The following ANO3 variants were observed in gnomAD, a reference collection of about 807,000 sequenced individuals.
ANO3 encodes the protein anoctamin 3.
In ANO3, 99 loss-of-function variants were observed where a neutral mutation model predicts 144.8. That is an observed-to-expected ratio of 0.68 (90% CI 0.58 to 0.81). The LOEUF (loss-of-function observed/expected upper bound fraction) is 0.81. ANO3 is among the 30% of genes least tolerant of loss of function. The probability of loss-of-function intolerance (pLI) is 0.00; values close to 1 mark genes in which losing one functional copy is unlikely to be tolerated. For missense variants in ANO3, 905 were observed against 1,202.2 expected, an observed-to-expected ratio of 0.75 and a Z score of 3.66; for synonymous variants, 414 against 392.6, an observed-to-expected ratio of 1.05 and a Z score of -0.64.
intron 1 of ANO3, among the ~76,000 whole-genome samples, chr11:26,287,068 A>G (rs554498077): frequency 6.6e-6 from 1 of 152,292 alleles, no homozygotes; most frequent in Non-Finnish European, 1.5e-5. Context: ...CAGTACAATT[A>G]GGTTCATGGA....
intron 17 of ANO3, among the ~76,000 whole-genome samples, chr11:26,605,817 T>C (rs1315864524): frequency 6.6e-6 from 1 of 152,180 alleles, no homozygotes; most frequent in African/African-American, 2.4e-5. Flanking sequence ...GTCTATTTGA[T>C]TCTTCTCTCT....
At chr11:26,627,816 T>A (rs1852636792) in intron 18 of ANO3, among the ~76,000 whole-genome samples, 1 of 54,212 alleles carries the variant, frequency 1.8e-5, no homozygotes, top group Non-Finnish European at 5.4e-5. Context: ...TAGAATCTAG[T>A]GTGTGTGTGT....
Position 26,446,980 on chromosome 11 carries a change from C to T in ANO3, c.313+3144C>T, listed in dbSNP as rs141871067. Among the ~76,000 whole-genome samples, 16 of 152,160 alleles carry T rather than the reference C, an allele frequency of 1.1e-4. No homozygotes were observed. In the East Asian group the frequency reaches 3.1e-3, roughly 29 times the overall value. On this transcript the variant is annotated intron_variant, in intron 3 of 26. Transcript: ENST00000256737. ...ATACCAGCGCTTTGGGAGGCTGAGGCAGGAGGACTGCTTAAGCCCAGGAGT... is the reference window on the plus strand; with the variant it reads ...ATACCAGCGCTTTGGGAGGCTGAGGTAGGAGGACTGCTTAAGCCCAGGAGT...
At chr11:26,383,687 G>A (rs1856645610) in intron 1 of ANO3, among the ~76,000 whole-genome samples, 1 of 152,050 alleles carries the variant, frequency 6.6e-6, no homozygotes, top group Admixed American at 6.6e-5. Context: ...GGCCTGAACT[G>A]CGAGGGGTAA....
chr11:26,560,846 G>T, intron 14 of ANO3: 1 of 423,212 alleles, frequency 2.4e-6, no homozygotes, highest in South Asian at 4.6e-5. Flanking sequence ...ACAAATTAAG[G>T]CTACTTAGTA....
At chr11:26,549,772 G>A (rs1849883080) in intron 12 of ANO3, among the ~76,000 whole-genome samples, 1 of 151,880 alleles carries the variant, frequency 6.6e-6, no homozygotes, top group Admixed American at 6.6e-5. Context: ...CGTGTGGCCT[G>A]GTTTTAAGGC....
chr11:26,330,746 C>A (rs941727454), upstream of ANO3, among the ~76,000 whole-genome samples: 2 of 152,152 alleles, frequency 1.3e-5, no homozygotes, highest in Non-Finnish European at 2.9e-5. Context: ...ATTGGAGCAT[C>A]TGTTTGTTCA....
intron 3 of ANO3, among the ~76,000 whole-genome samples, chr11:26,448,447 C>A (rs1374326968): frequency 6.6e-6 from 1 of 152,120 alleles, no homozygotes; most frequent in Admixed American, 6.5e-5. Context: ...GGAATGGGTT[C>A]ATATTAGAGT....
At chr11:26,351,083 C>T (rs1855633581) in intron 1 of ANO3, among the ~76,000 whole-genome samples, 1 of 152,106 alleles carries the variant, frequency 6.6e-6, no homozygotes, top group Non-Finnish European at 1.5e-5. Context: ...CTTTGTTCAA[C>T]CATCACAATT....
At chr11:26,347,323 A>C (rs1855522189) in intron 1 of ANO3, among the ~76,000 whole-genome samples, 1 of 152,230 alleles carries the variant, frequency 6.6e-6, no homozygotes, top group African/African-American at 2.4e-5. Context: ...ACAATGTTGA[A>C]GTTAACGTTT....
At position 26,254,676 on chromosome 11, in the gene ANO3, C is replaced by G. The variant is rs183844930; in HGVS notation, c.155-54969C>G. Among the ~76,000 whole-genome samples, 3 of 152,220 alleles carry G rather than the reference C, an allele frequency of 2.0e-5. No homozygotes were observed. The East Asian group carries it at 5.8e-4, about 29-fold the overall frequency. ...CAACTTGAGACATGATATGTTTTAGCACAGAATAACTCTTAATAAAGAACA... is the reference window on the plus strand; with the variant it reads ...CAACTTGAGACATGATATGTTTTAGGACAGAATAACTCTTAATAAAGAACA... On this transcript the variant is annotated intron_variant, in intron 1 of 27. Transcript: ENST00000672621.
intron 1 of ANO3, among the ~76,000 whole-genome samples, chr11:26,384,903 A>T (rs1458667726): frequency 6.6e-6 from 1 of 152,166 alleles, no homozygotes; most frequent in Non-Finnish European, 1.5e-5. Context: ...GTGAACATTT[A>T]CCTTGGCAAT....
chr11:26,488,571 T>C (rs1239209918), intron 4 of ANO3, among the ~76,000 whole-genome samples: 3 of 152,220 alleles, frequency 2.0e-5, no homozygotes, highest in Admixed American at 6.5e-5. Context: ...GTTCTTGGTC[T>C]TGCTGACTTC....
intron 4 of ANO3, among the ~76,000 whole-genome samples, chr11:26,489,064 C>G (rs1169621053): frequency 1.3e-5 from 2 of 152,194 alleles, no homozygotes; most frequent in Non-Finnish European, 2.9e-5. Flanking sequence ...GCCCACCCGA[C>G]CCAGAAGCCC....
At chr11:26,324,704 G>A (rs1467942961) in intron 1 of ANO3, among the ~76,000 whole-genome samples, 3 of 152,138 alleles carry the variant, frequency 2.0e-5, no homozygotes, top group Non-Finnish European at 4.4e-5. Context: ...CCAAAATTTT[G>A]CAGTGCCAGC....
At chr11:26,458,246 A>C (rs1478860008) in intron 3 of ANO3, among the ~76,000 whole-genome samples, 1 of 152,168 alleles carries the variant, frequency 6.6e-6, no homozygotes, top group Admixed American at 6.5e-5. Context: ...TTTGTGTTTC[A>C]GAAGATCTCA....
chr11:26,342,947 C>G (rs1276536844), intron 1 of ANO3, among the ~76,000 whole-genome samples: 1 of 152,080 alleles, frequency 6.6e-6, no homozygotes, highest in Non-Finnish European at 1.5e-5. Flanking sequence ...TTACCACAAT[C>G]AAGCAATTAA....
chr11:26,243,322 A>C (rs1343476679), intron 1 of ANO3, among the ~76,000 whole-genome samples: 1 of 151,956 alleles, frequency 6.6e-6, no homozygotes, highest in East Asian at 1.9e-4. Flanking sequence ...CTTTCTCTTA[A>C]AAGAATAAAG....
chr11:26,646,234 A>G (rs538430147), intron 23 of ANO3, among the ~76,000 whole-genome samples: 1 of 152,306 alleles, frequency 6.6e-6, no homozygotes, highest in South Asian at 2.1e-4. Context: ...AATTTATTTT[A>G]ATAGAATAGT....
Sources: allele counts gnomAD v4.1 joint callset (sites outside exome capture counted in the v4.1 genomes callset), GRCh38; gene constraint gnomAD v4.1.1; transcripts MANE v1.5; gene names NCBI Gene and HGNC (gene_info 2026-07-23, HGNC 2026-07-21).